The following PRKRIP1 variants were observed in gnomAD, a reference collection of about 807,000 sequenced individuals.
PRKRIP1 encodes PRKR-interacting protein 1.
PRKRIP1 carries 29 observed loss-of-function variants against 29.3 expected under a neutral mutation model. The ratio of observed to expected loss-of-function variants is 0.99; its 90% CI spans 0.74 to 1.35. The LOEUF (loss-of-function observed/expected upper bound fraction) is 1.35, where lower values mean the gene tolerates loss of function less well. Ranked by LOEUF, PRKRIP1 falls within the 40% of genes most tolerant of loss-of-function variation. The pLI is 0.00. For synonymous variants in PRKRIP1, 90 were observed against 85.1 expected (o/e 1.06, Z -0.32); for missense variants, 247 against 236.8 (o/e 1.04, Z -0.28).
chr7:102,403,238 C>G (rs956837045), intron 3 of PRKRIP1, among the ~76,000 whole-genome samples: 1 of 152,140 alleles, frequency 6.6e-6, no homozygotes, highest in Admixed American at 6.6e-5. Context: ...TTTTGGTTGT[C>G]CAGAAAGTTG....
At chr7:102,417,945 A>T (rs1050266634) in intron 5 of PRKRIP1, among the ~76,000 whole-genome samples, 1 of 151,344 alleles carries the variant, frequency 6.6e-6, no homozygotes, top group Admixed American at 6.6e-5. Flanking sequence ...GTACTATAGG[A>T]TATTCCAGAC....
At chr7:102,398,755 A>G (rs1345625412) in intron 2 of PRKRIP1, among the ~76,000 whole-genome samples, 3 of 152,192 alleles carry the variant, frequency 2.0e-5, no homozygotes, top group Non-Finnish European at 4.4e-5. Context: ...GGAATCATGT[A>G]AATTCTTTAG....
chr7:102,418,647 A>G (rs1796614183), intron 5 of PRKRIP1, among the ~76,000 whole-genome samples: 2 of 152,052 alleles, frequency 1.3e-5, no homozygotes, highest in South Asian at 4.1e-4. Flanking sequence ...TCACTCCAAT[A>G]GTGAGTATCT....
chr7:102,399,425 G>C, intron 2 of PRKRIP1, 123 bp from the exon 3 acceptor site: 1 of 725,978 alleles, frequency 1.4e-6, no homozygotes, highest in Admixed American at 2.1e-5. Flanking sequence ...ATACAGTGGG[G>C]AGAAAGGAAG....
intron 1 of PRKRIP1, among the ~76,000 whole-genome samples, chr7:102,396,803 TTTC>T (rs1795912839): frequency 6.6e-6 from 1 of 152,146 alleles, no homozygotes; most frequent in Non-Finnish European, 1.5e-5. Flanking sequence ...CTGGTTTAAC[TTTC>T]TGTGAACAAA....
intron 5 of PRKRIP1, chr7:102,423,366 G>A (rs998451581): frequency 8.3e-6 from 3 of 360,304 alleles, no homozygotes; most frequent in Admixed American, 3.5e-5. Flanking sequence ...CATCCACCTC[G>A]GCCTCCCAGG....
At chr7:102,398,839 A>G (rs1249073068) in intron 2 of PRKRIP1, among the ~76,000 whole-genome samples, 1 of 152,170 alleles carries the variant, frequency 6.6e-6, no homozygotes, top group Non-Finnish European at 1.5e-5. Flanking sequence ...GTCTTTAAAA[A>G]GCAACATAGG....
At position 102,409,709 on chromosome 7, in the gene PRKRIP1, A is replaced by G. The variant is rs115963289; in HGVS notation, c.457+2211A>G. Among the ~76,000 whole-genome samples the G allele has an allele frequency of 6.3e-3, 963 of 152,078 alleles. 11 individuals carry two copies. Among genetic ancestry groups the G allele is most frequent in the African/African-American group, 0.022 (892 of 41,474 alleles). On this transcript the variant is annotated intron_variant, in intron 5 of 5. Transcript: ENST00000397912. ...TGTGGTGGTGCACGCCTGTCGTCCT[A>G]TCTAGTCTGGAGGCTGAGGCAGGAG... is the stretch of plus-strand genomic sequence containing the variant.
At chr7:102,413,566 A>G (rs1181668251) in intron 5 of PRKRIP1, among the ~76,000 whole-genome samples, 1 of 152,228 alleles carries the variant, frequency 6.6e-6, no homozygotes, top group African/African-American at 2.4e-5. Context: ...ATTTGAGACC[A>G]GTGTGGGCAA....
At chr7:102,408,460 A>C (rs1362831566) in intron 5 of PRKRIP1, among the ~76,000 whole-genome samples, 2 of 152,104 alleles carry the variant, frequency 1.3e-5, no homozygotes, top group Non-Finnish European at 2.9e-5. Flanking sequence ...TCAGCATCCC[A>C]CCGTGCTGCC....
At chr7:102,421,420 C>T (rs1554573725) in intron 5 of PRKRIP1, among the ~76,000 whole-genome samples, 1 of 151,966 alleles carries the variant, frequency 6.6e-6, no homozygotes, top group African/African-American at 2.4e-5. Flanking sequence ...TGGCACACAC[C>T]CATAGTCTCA....
chr7:102,416,944 C>G (rs908888745), intron 5 of PRKRIP1, among the ~76,000 whole-genome samples: 3 of 152,056 alleles, frequency 2.0e-5, no homozygotes, highest in African/African-American at 7.2e-5. Flanking sequence ...CAACCTCCGC[C>G]TCTTGGGTTC....
chr7:102,397,795 C>G (rs369554214), intron 2 of PRKRIP1, 97 bp downstream of exon 2: 1 of 1,179,690 alleles, frequency 8.5e-7, no homozygotes, highest in African/African-American at 1.5e-5. Context: ...CCTCTAATCC[C>G]AGCACTTTGG....
At chr7:102,420,175 C>T (rs782093703) in intron 5 of PRKRIP1, among the ~76,000 whole-genome samples, 6 of 152,146 alleles carry the variant, frequency 3.9e-5, no homozygotes, top group Admixed American at 2.0e-4. Flanking sequence ...CATGAGCCAC[C>T]GTGCCTGGCC....
chr7:102,410,640 T>TA (rs1371461395), intron 5 of PRKRIP1, among the ~76,000 whole-genome samples: 3 of 152,120 alleles, frequency 2.0e-5, no homozygotes, highest in Non-Finnish European at 4.4e-5. Context: ...CTCACACTCT[T>TA]AGTGAGGTTC....
At chr7:102,397,280 C>T (rs1333829830) in intron 1 of PRKRIP1, among the ~76,000 whole-genome samples, 1 of 152,174 alleles carries the variant, frequency 6.6e-6, no homozygotes, top group Non-Finnish European at 1.5e-5. Flanking sequence ...GCTGTGGCCC[C>T]TGCCTGTAAT....
At chr7:102,397,535 GA>G in intron 1 of PRKRIP1, 84 bp from the exon 2 acceptor site, 5 of 1,111,520 alleles carry the variant, frequency 4.5e-6, no homozygotes, top group Non-Finnish European at 6.7e-6. Context: ...AACAGAGCAA[GA>G]ACCTGTCTCT....
intron 5 of PRKRIP1, among the ~76,000 whole-genome samples, chr7:102,409,170 G>A (rs1423299861): frequency 4.6e-5 from 7 of 152,140 alleles, no homozygotes; most frequent in East Asian, 3.9e-4. Flanking sequence ...GCGAAACTCC[G>A]TCTCAAAAAT....
intron 5 of PRKRIP1, among the ~76,000 whole-genome samples, chr7:102,417,856 A>G (rs536613232): frequency 3.2e-4 from 49 of 151,940 alleles, no homozygotes; most frequent in Admixed American, 2.5e-3. Flanking sequence ...CCTGGGCTCA[A>G]GCAGTCCCCC....
Sources: gnomAD v4.1 joint callset for allele counts (sites outside exome capture counted in the v4.1 genomes callset) on GRCh38, gnomAD v4.1.1 for gene constraint, MANE v1.5 for transcripts, NCBI Gene and HGNC (gene_info 2026-07-23, HGNC 2026-07-21) for gene names.